Variants in HDAC9 observed in about 807,000 individuals in gnomAD.
HDAC9 encodes histone deacetylase 9.
Under a neutral mutation model 139.4 loss-of-function variants are expected in HDAC9, and 41 were observed. The ratio of observed to expected loss-of-function variants is 0.29; its 90% CI spans 0.23 to 0.38. HDAC9 has a LOEUF of 0.38. Among genes scored for constraint, HDAC9 ranks in the 10% least tolerant of loss-of-function variants. The pLI is 1.00. For synonymous variants in HDAC9, 517 were observed against 476.2 expected, an observed-to-expected ratio of 1.09 and a Z score of -1.12; for missense variants, 1,147 against 1,297.0, an observed-to-expected ratio of 0.88 and a Z score of 1.78.
chr7:18,808,917 T>C (rs1332746809), intron 17 of HDAC9, among the ~76,000 whole-genome samples: 1 of 151,888 alleles, frequency 6.6e-6, no homozygotes, highest in Non-Finnish European at 1.5e-5. Context: ...GATGAAGACA[T>C]CACACTTCTT....
rs1169406060 is a variant in HDAC9, at chr7:18,115,377, G to A, written c.-97+28164G>A. 3.9e-5 allele frequency among the ~76,000 whole-genome samples: 6 copies of A among 152,066 alleles called. No individual in the cohort carries two copies. In the South Asian group the frequency reaches 8.3e-4, roughly 21 times the overall value. ...ATAATACTTCTGATCTTCTAGGCAAGTGATAATTCTTTTAGATTTGTGAGA... is the reference window on the plus strand; with the variant it reads ...ATAATACTTCTGATCTTCTAGGCAAATGATAATTCTTTTAGATTTGTGAGA... On this transcript the variant is annotated intron_variant, in intron 1 of 12. Coordinates refer to the HDAC9 transcript ENST00000417496.
intron 16 of HDAC9, among the ~76,000 whole-genome samples, chr7:18,792,291 T>C (rs1182342748): frequency 3.3e-5 from 5 of 151,640 alleles, no homozygotes; most frequent in Admixed American, 6.6e-5. Context: ...AAAGCTTTGT[T>C]TTATGCAGAA....
intron 2 of HDAC9, among the ~76,000 whole-genome samples, chr7:18,567,289 C>T (rs1401340303): frequency 6.6e-6 from 1 of 152,148 alleles, no homozygotes; most frequent in Non-Finnish European, 1.5e-5. Flanking sequence ...TCCCCCCTAA[C>T]TGGGCAAGGC....
At chr7:18,504,625 A>G (rs960956058) in intron 2 of HDAC9, among the ~76,000 whole-genome samples, 2 of 151,060 alleles carry the variant, frequency 1.3e-5, no homozygotes, top group African/African-American at 2.4e-5. Context: ...TTTAGAGGTC[A>G]GTGATTGTAA....
intron 6 of HDAC9, among the ~76,000 whole-genome samples, chr7:18,599,887 C>A (rs1227599283): frequency 4.0e-5 from 6 of 151,874 alleles, no homozygotes; most frequent in Admixed American, 2.6e-4. Context: ...AACTGTCTTC[C>A]AAAGTGGCTG....
intron 22 of HDAC9, among the ~76,000 whole-genome samples, chr7:18,921,521 C>T (rs1803724464): frequency 1.3e-5 from 2 of 152,126 alleles, no homozygotes; most frequent in South Asian, 4.1e-4. Flanking sequence ...ATCAAAACCG[C>T]AATGAGATAC....
At chr7:18,198,780 A>G (rs1790900235) in intron 2 of HDAC9, among the ~76,000 whole-genome samples, 1 of 152,196 alleles carries the variant, frequency 6.6e-6, no homozygotes, top group African/African-American at 2.4e-5. Flanking sequence ...TGTTGATATC[A>G]TGTATTTGAC....
intron 1 of HDAC9, among the ~76,000 whole-genome samples, chr7:18,468,350 A>T (rs1216619801): frequency 1.3e-5 from 2 of 152,006 alleles, no homozygotes; most frequent in Non-Finnish European, 2.9e-5. Flanking sequence ...ACACATGGAT[A>T]TTTATTTTAT....
Position 18,808,540 on chromosome 7 carries a change from A to G in HDAC9, c.2322+15088A>G, listed in dbSNP as rs185680811. On this transcript the variant is annotated intron_variant, in intron 17 of 25. Transcript: ENST00000686413. ...ATACTAACAATGAACTGTCCAAAAA[A>G]AAATCCCACTTACAATAGCTACAGA... 1.6e-3 allele frequency among the ~76,000 whole-genome samples: 246 copies of G among 152,282 alleles called. 1 individual carries two copies. In the Middle Eastern group the frequency reaches 0.017, roughly 11 times the overall value.
chr7:18,216,824 A>G (rs1171939381), intron 2 of HDAC9, among the ~76,000 whole-genome samples: 1 of 152,134 alleles, frequency 6.6e-6, no homozygotes, highest in Non-Finnish European at 1.5e-5. Context: ...TTTTAGTGTC[A>G]GGGTTACTAG....
chr7:18,888,106 A>T (rs779065271), intron 22 of HDAC9, among the ~76,000 whole-genome samples: 80 of 152,218 alleles, frequency 5.3e-4, no homozygotes, highest in Non-Finnish European at 1.1e-3. Flanking sequence ...GTCAGTATTA[A>T]TAGAAAGAGC....
At chr7:18,198,286 C>G (rs556555426) in intron 2 of HDAC9, among the ~76,000 whole-genome samples, 18 of 152,106 alleles carry the variant, frequency 1.2e-4, no homozygotes, top group African/African-American at 3.9e-4. Context: ...TTTTATATAG[C>G]ATTAAGTTAA....
intron 2 of HDAC9, among the ~76,000 whole-genome samples, chr7:18,254,142 G>C (rs1795092592): frequency 6.6e-6 from 1 of 152,154 alleles, no homozygotes; most frequent in African/African-American, 2.4e-5. Context: ...TAACAAACAA[G>C]AAGGAAGGCA....
chr7:18,886,138 G>T (rs1800130078), intron 22 of HDAC9, among the ~76,000 whole-genome samples: 1 of 152,084 alleles, frequency 6.6e-6, no homozygotes, highest in Non-Finnish European at 1.5e-5. Flanking sequence ...ATTTATTCAA[G>T]TGAATGAGTG....
chr7:18,677,357 A>G (rs1781583012), intron 12 of HDAC9, among the ~76,000 whole-genome samples: 1 of 150,882 alleles, frequency 6.6e-6, no homozygotes. Context: ...CACTGTACAG[A>G]TATGCCACAA....
chr7:18,563,766 T>C (rs949350602), intron 2 of HDAC9, among the ~76,000 whole-genome samples: 2 of 151,812 alleles, frequency 1.3e-5, no homozygotes, highest in African/African-American at 4.8e-5. Context: ...TATTATACTT[T>C]AAGTTCTAGG....
At chr7:18,666,958 C>T in intron 12 of HDAC9, 1 of 989,194 alleles carries the variant, frequency 1.0e-6, no homozygotes, top group Non-Finnish European at 1.2e-6. Flanking sequence ...CATAATGTAT[C>T]ATACTATAGT....
intron 21 of HDAC9, among the ~76,000 whole-genome samples, chr7:18,863,746 G>C (rs1763023984): frequency 6.6e-6 from 1 of 152,144 alleles, no homozygotes; most frequent in African/African-American, 2.4e-5. Context: ...GAAGAGAAGA[G>C]TTAGGAATGA....
chr7:18,758,200 T>A (rs1167701443), intron 14 of HDAC9, among the ~76,000 whole-genome samples: 1 of 152,104 alleles, frequency 6.6e-6, no homozygotes, highest in East Asian at 1.9e-4. Context: ...AGGTGAGAAA[T>A]CCCCAGATGA....
Sources: gnomAD v4.1 joint callset for allele counts (sites outside exome capture counted in the v4.1 genomes callset) on GRCh38, gnomAD v4.1.1 for gene constraint, MANE v1.5 for transcripts, NCBI Gene and HGNC (gene_info 2026-07-23, HGNC 2026-07-21) for gene names.